UBE2H: variants seen among roughly 807,000 people sequenced by gnomAD.
UBE2H encodes ubiquitin-conjugating enzyme E2 H.
UBE2H carries 3 observed loss-of-function variants against 29.0 expected under a neutral mutation model. The ratio of observed to expected loss-of-function variants is 0.10; its 90% CI spans 0.05 to 0.27. The LOEUF (loss-of-function observed/expected upper bound fraction) is 0.27. UBE2H is among the 10% of genes least tolerant of loss of function. UBE2H has a pLI of 1.00. For synonymous variants in UBE2H, 69 were observed against 82.9 expected (o/e 0.83, Z 0.91); for missense variants, 68 against 228.2 (o/e 0.30, Z 4.52).
chr7:129,899,239 G>C (rs1016712552), intron 1 of UBE2H, among the ~76,000 whole-genome samples: 1 of 144,878 alleles, frequency 6.9e-6, no homozygotes, highest in Non-Finnish European at 1.5e-5. Context: ...GCAATTTCTA[G>C]AAGTGGAACT....
At chr7:129,919,005 GC>G (rs1279967897) in intron 1 of UBE2H, among the ~76,000 whole-genome samples, 2 of 150,962 alleles carry the variant, frequency 1.3e-5, no homozygotes, top group African/African-American at 4.9e-5. Context: ...GATCACTTGA[GC>G]CCGAGAGGTC....
rs1174666166 is a variant in UBE2H at position 129,832,901 on chromosome 7, G to C, written c.*2036C>G. 2 of 152,120 alleles carry C rather than the reference G, an allele frequency of 1.3e-5. No individual in the cohort carries two copies. Among genetic ancestry groups the C allele is most frequent in the Non-Finnish European group, 2.9e-5 (2 of 68,048 alleles). 9.4% of individuals were successfully genotyped at this position (152,120 alleles called of 1,614,324 possible). On this transcript the variant is annotated 3_prime_UTR_variant, in exon 7 of 7. Coordinates refer to ENST00000355621, the MANE Select transcript of UBE2H (RefSeq NM_003344.4). ...TGTCATAGCACAAGCAAACTGCAAAGTCAGCAGGTAAGCAAGTTAGACAGT... is the reference window on the plus strand; with the variant it reads ...TGTCATAGCACAAGCAAACTGCAAACTCAGCAGGTAAGCAAGTTAGACAGT...
Position 129,880,938 on chromosome 7 carries a change from T to C in UBE2H, c.87A>G (p.Gly29=), listed in dbSNP as rs1338210914. 6.2e-7 allele frequency: 1 copy of C among 1,613,858 alleles called. No individual in the cohort carries two copies. The highest frequency in any genetic ancestry group is 8.5e-7 in the Non-Finnish European group (1 of 1,179,922). Residue 29 remains glycine, a synonymous_variant, in exon 2 of 7, where the codon GGA becomes GGG. Transcript: ENST00000355621. ...IESKHEVTIL[G]GLNEFVVKFY... ...ACTTCACTACAAATTCATTAAGTCC[T>C]CCCAGGATCGTAACCTCATGTTTAC...
intron 1 of UBE2H, among the ~76,000 whole-genome samples, chr7:129,945,744 C>CTT (rs563430196): frequency 1.4e-5 from 2 of 146,512 alleles, no homozygotes; most frequent in Admixed American, 6.8e-5. Context: ...ACATGAGCTA[C>CTT]TTTTTTTTTT....
chr7:129,888,159 T>G (rs1254955329), intron 1 of UBE2H, among the ~76,000 whole-genome samples: 1 of 152,036 alleles, frequency 6.6e-6, no homozygotes. Flanking sequence ...GCTGAAAAAA[T>G]TTTTAAGGGT....
chr7:129,839,129 T>G (rs1805381195), intron 6 of UBE2H, 78 bp downstream of exon 6: 2 of 1,559,798 alleles, frequency 1.3e-6, no homozygotes, highest in East Asian at 4.6e-5. Context: ...ACTAAGTAAT[T>G]TAAGAAGGAC....
chr7:129,867,278 A>G (rs1805923619), intron 3 of UBE2H, among the ~76,000 whole-genome samples: 1 of 151,806 alleles, frequency 6.6e-6, no homozygotes. Context: ...TATTCACAAT[A>G]GCAAAGACTT....
At chr7:129,938,685 G>A (rs1329827506) in intron 1 of UBE2H, among the ~76,000 whole-genome samples, 3 of 148,968 alleles carry the variant, frequency 2.0e-5, no homozygotes, top group African/African-American at 7.4e-5. Flanking sequence ...CAGCCTGGGC[G>A]CCAAGAGCAA....
chr7:129,950,904 T>C (rs772433927), intron 1 of UBE2H, among the ~76,000 whole-genome samples: 1 of 152,162 alleles, frequency 6.6e-6, no homozygotes, highest in Non-Finnish European at 1.5e-5. Flanking sequence ...AAGAGTTGAT[T>C]TCACTTGCGC....
At chr7:129,895,015 G>A (rs1009369131) in intron 1 of UBE2H, among the ~76,000 whole-genome samples, 2 of 152,120 alleles carry the variant, frequency 1.3e-5, no homozygotes, top group Non-Finnish European at 2.9e-5. Context: ...TAGAAAAATT[G>A]TTTTAAAAAC....
At chr7:129,862,473 G>T (rs1227790141) in intron 3 of UBE2H, among the ~76,000 whole-genome samples, 1 of 152,162 alleles carries the variant, frequency 6.6e-6, no homozygotes, top group African/African-American at 2.4e-5. Context: ...AAGGTCACCA[G>T]CATTATGGAG....
intron 5 of UBE2H, among the ~76,000 whole-genome samples, chr7:129,845,697 C>T (rs1805499525): frequency 6.6e-6 from 1 of 152,182 alleles, no homozygotes; most frequent in Admixed American, 6.5e-5. Context: ...GAACTGTCTC[C>T]AGCAAACAGA....
intron 5 of UBE2H, among the ~76,000 whole-genome samples, chr7:129,847,396 C>T (rs997208853): frequency 6.6e-6 from 1 of 152,022 alleles, no homozygotes; most frequent in African/African-American, 2.4e-5. Flanking sequence ...ACCTGTAATC[C>T]CAGTTACTCA....
intron 1 of UBE2H, among the ~76,000 whole-genome samples, chr7:129,906,447 C>T (rs1806819091): frequency 6.6e-6 from 1 of 152,082 alleles, no homozygotes; most frequent in South Asian, 2.1e-4. Context: ...TCATGTGATC[C>T]ACCCACATCA....
At position 129,839,289 on chromosome 7, in the gene UBE2H, A is replaced by G. The variant is rs1390059118; in HGVS notation, c.345T>C (p.Tyr115=). 2 of 1,613,840 alleles carry G rather than the reference A, an allele frequency of 1.2e-6. No homozygotes were observed. Among genetic ancestry groups the G allele is most frequent in the African/African-American group, 2.7e-5 (2 of 74,894 alleles). Residue 115 remains tyrosine, a synonymous_variant, in exon 6 of 7, where the codon TAT becomes TAC. Coordinates refer to ENST00000355621, the MANE Select transcript of UBE2H (RefSeq NM_003344.4). The part of the protein sequence containing the change: ...FESFLPQLLA[Y]PNPIDPLNGD... ...CATTGAGAGGATCTATGGGGTTAGG[A>G]TAGGCCAATAACTGAGGCAGGAAGG...
At chr7:129,910,461 T>C (rs1276312198) in intron 1 of UBE2H, among the ~76,000 whole-genome samples, 2 of 152,056 alleles carry the variant, frequency 1.3e-5, no homozygotes, top group Non-Finnish European at 2.9e-5. Flanking sequence ...TGACCGATGG[T>C]AGGAAGGCAC....
At chr7:129,899,700 C>T (rs1280954222) in intron 1 of UBE2H, among the ~76,000 whole-genome samples, 1 of 152,184 alleles carries the variant, frequency 6.6e-6, no homozygotes, top group African/African-American at 2.4e-5. Context: ...GACAGGTTAA[C>T]TCCAGAACCT....
At chr7:129,903,227 C>G (rs1259441248) in intron 1 of UBE2H, among the ~76,000 whole-genome samples, 1 of 152,188 alleles carries the variant, frequency 6.6e-6, no homozygotes, top group Non-Finnish European at 1.5e-5. Flanking sequence ...CTGTGCTTAT[C>G]CTTGAACTGA....
chr7:129,900,128 C>CAA (rs777656206), intron 1 of UBE2H, among the ~76,000 whole-genome samples: 5 of 125,444 alleles, frequency 4.0e-5, no homozygotes, highest in African/African-American at 8.9e-5. Flanking sequence ...AGACCCATCT[C>CAA]AAAAAAAAAA....
Sources: allele counts gnomAD v4.1 joint callset (sites outside exome capture counted in the v4.1 genomes callset), GRCh38; gene constraint gnomAD v4.1.1; transcripts MANE v1.5; gene names NCBI Gene and HGNC (gene_info 2026-07-23, HGNC 2026-07-21).